The following ELAPOR1 variants were observed in gnomAD, a reference collection of about 807,000 sequenced individuals.
ELAPOR1 encodes endosome-lysosome associated apoptosis and autophagy regulator 1, also known as endosome/lysosome-associated apoptosis and autophagy regulator 1.
A neutral mutation model predicts 119.7 loss-of-function variants in ELAPOR1; 77 were observed. That is an observed-to-expected ratio of 0.64 (90% CI 0.54 to 0.78). The LOEUF (loss-of-function observed/expected upper bound fraction) is 0.78, where lower values mean the gene tolerates loss of function less well. Among genes scored for constraint, ELAPOR1 ranks in the 30% least tolerant of loss-of-function variants. The pLI, the probability that ELAPOR1 is intolerant of heterozygous loss-of-function variation, is 0.00. For synonymous variants in ELAPOR1, 481 were observed against 487.2 expected (o/e 0.99, Z 0.17); for missense variants, 1,115 against 1,270.4 (o/e 0.88, Z 1.86).
chr1:109,186,711 T>G (rs1570709578), intron 8 of ELAPOR1: 2 of 985,522 alleles, frequency 2.0e-6, no homozygotes, highest in East Asian at 2.3e-4. Flanking sequence ...GGCAGACAAT[T>G]AATCCTGCTG....
chr1:109,134,967 A>G (rs1649376400), intron 1 of ELAPOR1, among the ~76,000 whole-genome samples: 1 of 152,218 alleles, frequency 6.6e-6, no homozygotes, highest in Admixed American at 6.5e-5. Context: ...GTAATTTTTC[A>G]GCATAAATAA....
chr1:109,193,200 C>T (rs1369882277), intron 14 of ELAPOR1, among the ~76,000 whole-genome samples: 1 of 152,094 alleles, frequency 6.6e-6, no homozygotes, highest in Non-Finnish European at 1.5e-5. Context: ...AGGCCTGTGG[C>T]TTATATTCAA....
At chr1:109,181,227 C>A (rs1232468914) in intron 7 of ELAPOR1, among the ~76,000 whole-genome samples, 1 of 152,086 alleles carries the variant, frequency 6.6e-6, no homozygotes, top group Non-Finnish European at 1.5e-5. Flanking sequence ...TAAAACAGAT[C>A]CCAGTGAGAA....
At chr1:109,188,730 A>T (rs1653232433) in intron 9 of ELAPOR1, among the ~76,000 whole-genome samples, 1 of 152,208 alleles carries the variant, frequency 6.6e-6, no homozygotes, top group Non-Finnish European at 1.5e-5. Context: ...GGGGGATTTG[A>T]GTACCTGTTA....
chr1:109,187,699 C>A, intron 8 of ELAPOR1: 1 of 924,974 alleles, frequency 1.1e-6, no homozygotes, highest in Non-Finnish European at 1.3e-6. Flanking sequence ...TTAGGATTTA[C>A]CCAATAAATA....
intron 1 of ELAPOR1, among the ~76,000 whole-genome samples, chr1:109,122,986 C>T (rs1648543928): frequency 1.3e-5 from 2 of 152,150 alleles, no homozygotes; most frequent in African/African-American, 4.8e-5. Flanking sequence ...TATAACAATC[C>T]ACCCTGAGGC....
Position 109,195,918 on chromosome 1 carries a change from G to A in ELAPOR1, c.2121+1324G>A, listed in dbSNP as rs527676638. ...ACGCCTGTAATCCCAGCAATTTGGA[G>A]GCCAAGGCAGGCAGATCACCTGAGG... is the stretch of plus-strand genomic sequence containing the variant. On this transcript the variant is annotated intron_variant, in intron 15 of 21. Transcript: ENST00000369939. Among the ~76,000 whole-genome samples the A allele has an allele frequency of 3.3e-5, 5 of 152,318 alleles. No individual in the cohort carries two copies. The South Asian group carries it at 1.0e-3, about 32-fold the overall frequency.
intron 21 of ELAPOR1, among the ~76,000 whole-genome samples, chr1:109,202,176 G>A (rs1177499862): frequency 6.6e-6 from 1 of 152,096 alleles, no homozygotes; most frequent in Non-Finnish European, 1.5e-5. Context: ...GCAGTGGCAT[G>A]ATCTCAGCTC....
At chr1:109,114,405 G>A in intron 1 of ELAPOR1, 69 bp downstream of exon 1, 9 of 1,465,256 alleles carry the variant, frequency 6.1e-6, no homozygotes, top group South Asian at 1.4e-5. Flanking sequence ...AGACCTTGGG[G>A]ACCCAGGCGC....
chr1:109,172,632 G>A, intron 5 of ELAPOR1, 64 bp downstream of exon 5: 1 of 1,232,818 alleles, frequency 8.1e-7, no homozygotes, highest in Admixed American at 1.8e-5. Context: ...TTTCCTCAGA[G>A]AGTGCTTCCT....
In ELAPOR1 at chr1:109,115,012, C is replaced by T. The variant is rs533345229; in HGVS notation, c.153+676C>T. Among the ~76,000 whole-genome samples, 11 of 152,310 alleles carry T rather than the reference C, an allele frequency of 7.2e-5. No homozygotes were observed. The East Asian group carries it at 2.1e-3, about 29-fold the overall frequency. ...TCTTCAATATCTTGTGTTCTGCCAA[C>T]CTCTAGTCTCCTTCTCTGACTTAAC... On this transcript the variant is annotated intron_variant, in intron 1 of 21. Coordinates refer to ENST00000369939, the MANE Select transcript of ELAPOR1 (RefSeq NM_020775.5).
intron 1 of ELAPOR1, among the ~76,000 whole-genome samples, chr1:109,147,998 T>TG (rs1650287405): frequency 6.9e-6 from 1 of 145,648 alleles, no homozygotes; most frequent in Non-Finnish European, 1.5e-5. Flanking sequence ...CCCGGCTAAT[T>TG]TTTTTTTTTT....
chr1:109,144,370 A>T (rs1355763979), intron 1 of ELAPOR1, among the ~76,000 whole-genome samples: 1 of 152,042 alleles, frequency 6.6e-6, no homozygotes, highest in Non-Finnish European at 1.5e-5. Context: ...TATTTGAAGA[A>T]GTGACGAGAG....
rs112497010 is a variant in ELAPOR1, at chr1:109,192,049, G to A, written c.1683+186G>A. On this transcript the variant is annotated intron_variant, in intron 13 of 21. Coordinates refer to ENST00000369939, the MANE Select transcript of ELAPOR1 (RefSeq NM_020775.5). ...CCTAGTCTTGTCCAGCTGACTTCCTGGAAAGATGACACCATAAGAAATAAG... is the reference window on the plus strand; with the variant it reads ...CCTAGTCTTGTCCAGCTGACTTCCTAGAAAGATGACACCATAAGAAATAAG... Among the ~76,000 whole-genome samples the A allele has an allele frequency of 7.7e-3, 1,170 of 152,270 alleles. 8 individuals carry two copies. Among genetic ancestry groups the A allele is most frequent in the South Asian group, 0.035 (170 of 4,828 alleles).
In ELAPOR1 at chr1:109,205,489, T is replaced by C. The variant is rs1027939322; in HGVS notation, c.*2477T>C. The C allele has an allele frequency of 6.6e-6, 1 of 152,168 alleles. No homozygotes were observed. Among genetic ancestry groups the C allele is most frequent in the African/African-American group, 2.4e-5 (1 of 41,434 alleles). 9.4% of individuals were successfully genotyped at this position (152,168 alleles called of 1,614,324 possible). A position where few individuals can be genotyped will look rare whatever the true frequency, so the allele number is the denominator to read the frequency against. ...CCAGTTTTTCTTTGGGTATCCAAAT[T>C]CTCCCCTCCTTTTGTAGGAGTCAGG... On this transcript the variant is annotated 3_prime_UTR_variant, in exon 22 of 22. Transcript: ENST00000369939.
chr1:109,201,288 C>A (rs1030765842), intron 21 of ELAPOR1: 4 of 458,058 alleles, frequency 8.7e-6, no homozygotes, highest in Non-Finnish European at 1.7e-5. Flanking sequence ...GTCAGGCTCT[C>A]CTTTGACCAG....
chr1:109,151,572 C>T (rs1047513088), intron 1 of ELAPOR1, among the ~76,000 whole-genome samples: 6 of 152,224 alleles, frequency 3.9e-5, no homozygotes, highest in Non-Finnish European at 5.9e-5. Flanking sequence ...AAAGTCTCAT[C>T]TGGGGAACTC....
intron 7 of ELAPOR1, among the ~76,000 whole-genome samples, chr1:109,182,085 A>G (rs555488906): frequency 4.7e-4 from 72 of 152,182 alleles, no homozygotes; most frequent in Non-Finnish European, 9.7e-4. Context: ...TAATCCTAGC[A>G]CTTTGGGACG....
At chr1:109,132,081 G>A (rs1649181729) in intron 1 of ELAPOR1, among the ~76,000 whole-genome samples, 2 of 152,140 alleles carry the variant, frequency 1.3e-5, no homozygotes, top group African/African-American at 4.8e-5. Context: ...AGAAAAAAAT[G>A]GAGCCAGAGG....
Sources: gnomAD v4.1 joint callset for allele counts (sites outside exome capture counted in the v4.1 genomes callset) on GRCh38, gnomAD v4.1.1 for gene constraint, MANE v1.5 for transcripts, NCBI Gene and HGNC (gene_info 2026-07-23, HGNC 2026-07-21) for gene names.